Variants in PCDH15 observed in about 807,000 individuals in gnomAD.
The protein encoded by PCDH15 is protocadherin-15.
Under a neutral mutation model 178.5 loss-of-function variants are expected in PCDH15, and 129 were observed. That is an observed-to-expected ratio of 0.72 (90% CI 0.63 to 0.84). PCDH15 has a LOEUF of 0.84. Among genes scored for constraint, PCDH15 ranks in the 40% least tolerant of loss-of-function variants. The probability of loss-of-function intolerance (pLI) is 0.00; values close to 1 mark genes in which losing one functional copy is unlikely to be tolerated. For missense variants in PCDH15, 2,230 were observed against 2,099.9 expected (o/e 1.06, Z -1.21); for synonymous variants, 800 against 732.0 (o/e 1.09, Z -1.50).
chr10:54,661,543 A>T (rs192856766), intron 2 of PCDH15, among the ~76,000 whole-genome samples: 5 of 151,528 alleles, frequency 3.3e-5, no homozygotes, highest in Non-Finnish European at 4.4e-5. Flanking sequence ...ATAAAATTAT[A>T]AAAAAAAATT....
intron 2 of PCDH15, among the ~76,000 whole-genome samples, chr10:54,645,485 G>A (rs532453972): frequency 5.9e-4 from 90 of 152,124 alleles, no homozygotes; most frequent in African/African-American, 2.0e-3. Context: ...AAAGTTGTAG[G>A]AGATAGAGAA....
intron 3 of PCDH15, among the ~76,000 whole-genome samples, chr10:54,853,374 TATACAC>T (rs1251043333): frequency 7.4e-6 from 1 of 134,400 alleles, no homozygotes; most frequent in Admixed American, 8.0e-5. Flanking sequence ...CACATATATA[TATACAC>T]ATACATACAT....
chr10:54,691,805 C>T (rs2095126028), intron 1 of PCDH15, among the ~76,000 whole-genome samples: 2 of 152,064 alleles, frequency 1.3e-5, no homozygotes, highest in Admixed American at 1.3e-4. Context: ...TTCATGTAGA[C>T]TTTCTGCTTA....
At chr10:55,477,545 T>C (rs143394514) in intron 2 of PCDH15, among the ~76,000 whole-genome samples, 8 of 152,042 alleles carry the variant, frequency 5.3e-5, no homozygotes, top group East Asian at 1.9e-4. Flanking sequence ...CCAGAATTCA[T>C]TGGTAGCTTC....
At chr10:54,918,138 T>A (rs1837390761) in intron 2 of PCDH15, among the ~76,000 whole-genome samples, 1 of 152,176 alleles carries the variant, frequency 6.6e-6, no homozygotes, top group African/African-American at 2.4e-5. Context: ...TCTAGCTTGT[T>A]AAGGCCTTTA....
At chr10:54,912,193 C>T (rs1265690025) in intron 2 of PCDH15, among the ~76,000 whole-genome samples, 2 of 151,730 alleles carry the variant, frequency 1.3e-5, no homozygotes, top group African/African-American at 4.8e-5. Flanking sequence ...TAAATAAATG[C>T]TAATTCAGTT....
At chr10:55,234,816 G>C (rs1454925106) in intron 1 of PCDH15, among the ~76,000 whole-genome samples, 1 of 151,942 alleles carries the variant, frequency 6.6e-6, no homozygotes, top group East Asian at 1.9e-4. Flanking sequence ...TTATTACAAT[G>C]AGAGTGGTAA....
At chr10:53,910,897 G>A (rs1254042797) in intron 25 of PCDH15, among the ~76,000 whole-genome samples, 2 of 152,034 alleles carry the variant, frequency 1.3e-5, no homozygotes, top group South Asian at 2.1e-4. Context: ...TTCATCAAGT[G>A]GAAAAAAGGG....
chr10:54,752,517 C>CAAAAAAAAAAAAAAAAAAA (rs1183153628), intron 1 of PCDH15, among the ~76,000 whole-genome samples: 1 of 85,632 alleles, frequency 1.2e-5, no homozygotes, highest in Admixed American at 1.1e-4. Context: ...AAAAAACAAA[C>CAAAAAAAAAAAAAAAAAAA]AAACAAACAA....
intron 25 of PCDH15, among the ~76,000 whole-genome samples, chr10:53,931,318 A>G (rs1433703969): frequency 1.3e-5 from 2 of 152,224 alleles, no homozygotes; most frequent in Non-Finnish European, 2.9e-5. Context: ...GCAGTCAGCC[A>G]TCAGGTGGAT....
At chr10:54,126,740 A>G (rs1473740250) in intron 15 of PCDH15, among the ~76,000 whole-genome samples, 15 of 152,106 alleles carry the variant, frequency 9.9e-5, no homozygotes, top group Admixed American at 9.8e-4. Flanking sequence ...TCAATCATTC[A>G]AAGGTCAGTA....
At chr10:53,954,044 C>A (rs1207578609) in intron 23 of PCDH15, among the ~76,000 whole-genome samples, 1 of 152,180 alleles carries the variant, frequency 6.6e-6, no homozygotes, top group African/African-American at 2.4e-5. Flanking sequence ...CCCATCTAGG[C>A]CTCCCAAAGT....
intron 1 of PCDH15, among the ~76,000 whole-genome samples, chr10:54,767,421 C>A: frequency 6.6e-6 from 1 of 152,058 alleles, no homozygotes; most frequent in Admixed American, 6.6e-5. Context: ...AAAAGCCTCC[C>A]ATTTAGAAGA....
At chr10:54,835,135 A>G (rs1953293199) in intron 3 of PCDH15, among the ~76,000 whole-genome samples, 1 of 152,172 alleles carries the variant, frequency 6.6e-6, no homozygotes. Flanking sequence ...CCCACTCAAT[A>G]ATAATATTAT....
In PCDH15 at chr10:55,544,238, A is replaced by G. The variant is rs1473876098; in HGVS notation, c.-156+83387T>C. On this transcript the variant is annotated intron_variant, in intron 2 of 5. Transcript: ENST00000613346. ...GTTACACTTATACATGTATATATAG[A>G]TAGAAATTATGAAATTATGGCTTTT... 2.0e-5 allele frequency among the ~76,000 whole-genome samples: 3 copies of G among 148,826 alleles called. No homozygotes were observed. The Admixed American group carries it at 2.0e-4, about 10-fold the overall frequency.
intron 36 of PCDH15, 97 bp downstream of exon 36, chr10:53,811,452 C>T (rs1588883296): frequency 4.2e-6 from 3 of 721,906 alleles, no homozygotes; most frequent in Admixed American, 3.4e-5. Flanking sequence ...ATCGACATGA[C>T]ATTAAAAACA....
At chr10:54,610,626 T>G (rs1396433539) in intron 2 of PCDH15, among the ~76,000 whole-genome samples, 2 of 151,972 alleles carry the variant, frequency 1.3e-5, no homozygotes, top group African/African-American at 4.8e-5. Flanking sequence ...TATTCTGTCT[T>G]AGACTACTTA....
intron 2 of PCDH15, among the ~76,000 whole-genome samples, chr10:55,066,633 TTTTAA>T (rs1261411939): frequency 6.7e-6 from 1 of 150,358 alleles, no homozygotes; most frequent in Non-Finnish European, 1.5e-5. Flanking sequence ...GTAACTTTTT[TTTTAA>T]TTTGAGTATT....
intron 3 of PCDH15, among the ~76,000 whole-genome samples, chr10:54,480,718 A>T (rs2078656119): frequency 6.6e-6 from 1 of 152,016 alleles, no homozygotes; most frequent in Admixed American, 6.6e-5. Context: ...ATTTTGAATT[A>T]TTAGTAGCTA....
Sources: allele counts gnomAD v4.1 joint callset (sites outside exome capture counted in the v4.1 genomes callset), GRCh38; gene constraint gnomAD v4.1.1; transcripts MANE v1.5; gene names NCBI Gene and HGNC (gene_info 2026-07-23, HGNC 2026-07-21).